IGFBP5: variants seen among roughly 807,000 people sequenced by gnomAD.
The protein encoded by IGFBP5 is insulin-like growth factor-binding protein 5.
In IGFBP5, 12 loss-of-function variants were observed where a neutral mutation model predicts 28.0. That is an observed-to-expected ratio of 0.43 (90% CI 0.27 to 0.69). The LOEUF (loss-of-function observed/expected upper bound fraction) is 0.69. Ranked by LOEUF, IGFBP5 falls within the 30% of genes least tolerant of loss-of-function variation. IGFBP5 has a pLI of 0.20. For synonymous variants in IGFBP5, 152 were observed against 150.2 expected (o/e 1.01, Z -0.09); for missense variants, 344 against 381.6 (o/e 0.90, Z 0.82).
rs1688869645 is a variant in IGFBP5, at chr2:216,674,297, G to A, written c.*2454C>T. 1 of 153,484 alleles carries A rather than the reference G, an allele frequency of 6.5e-6. No individual in the cohort carries two copies. 9.5% of individuals were successfully genotyped at this position (153,484 alleles called of 1,614,324 possible). ...CATACAGAAACGTGAGTTGGGTTTA[G>A]GGGACAGCTGTGCAGAGAGATGGGG... On this transcript the variant is annotated 3_prime_UTR_variant, in exon 4 of 4. Transcript: ENST00000233813. This position sits in a 1 kb window ranked among gnomAD's most constrained non-coding sequence, Gnocchi z 4.4.
Position 216,692,071 on chromosome 2 carries a change from T to C in IGFBP5, c.337+2368A>G, listed in dbSNP as rs74960889. ...CGGTCTCTACACCATCTCCAACTTT[T>C]TGGGGACCCGCCCAGTGGTTGTCCG... On this transcript the variant is annotated intron_variant, in intron 1 of 3. Coordinates refer to ENST00000233813, the MANE Select transcript of IGFBP5 (RefSeq NM_000599.4). This position sits in a 1 kb window ranked among gnomAD's most constrained non-coding sequence, Gnocchi z 4.2. Among the ~76,000 whole-genome samples, 8,081 of 152,038 alleles carry C rather than the reference T, an allele frequency of 0.053. 433 individuals are homozygous for C. The highest frequency in any genetic ancestry group is 0.12 in the African/African-American group (4,799 of 41,434).
rs962432111 is a variant in IGFBP5 at position 216,674,299 on chromosome 2, G to A, written c.*2452C>T. 2.0e-5 allele frequency: 3 copies of A among 153,460 alleles called. No homozygotes were observed. The allele number at this position is 153,460 out of a possible 1,614,324, so 9.5% of individuals were successfully genotyped here. A position where few individuals can be genotyped will look rare whatever the true frequency, so the allele number is the denominator to read the frequency against. On this transcript the variant is annotated 3_prime_UTR_variant, in exon 4 of 4. Coordinates refer to ENST00000233813, the MANE Select transcript of IGFBP5 (RefSeq NM_000599.4). The surrounding 1 kb of genome is among the most constrained non-coding windows in gnomAD (Gnocchi z 4.4). ...TACAGAAACGTGAGTTGGGTTTAGGGGACAGCTGTGCAGAGAGATGGGGCA... is the reference window on the plus strand; with the variant it reads ...TACAGAAACGTGAGTTGGGTTTAGGAGACAGCTGTGCAGAGAGATGGGGCA...
intron 1 of IGFBP5, among the ~76,000 whole-genome samples, chr2:216,686,012 C>A (rs1476267070): frequency 2.0e-5 from 3 of 147,716 alleles, no homozygotes; most frequent in Non-Finnish European, 4.4e-5. Flanking sequence ...AAAAAAAAAA[C>A]CCAAAGCTGT....
At chr2:216,690,508 C>CTTG (rs397695303) in intron 1 of IGFBP5, among the ~76,000 whole-genome samples, 1 of 151,798 alleles carries the variant, frequency 6.6e-6, no homozygotes, top group East Asian at 1.9e-4. Flanking sequence ...CTGGCTTCTT[C>CTTG]GCTCCATTAA....
chr2:216,687,243 C>T (rs1689042888), intron 1 of IGFBP5, among the ~76,000 whole-genome samples: 1 of 152,186 alleles, frequency 6.6e-6, no homozygotes, highest in Non-Finnish European at 1.5e-5. Context: ...GGACCCGTCT[C>T]CACTTAGAGA....
chr2:216,684,218 C>T (rs11575165), intron 1 of IGFBP5, among the ~76,000 whole-genome samples: 24 of 152,336 alleles, frequency 1.6e-4, no homozygotes, highest in Admixed American at 7.2e-4. Context: ...TGTTCTCTTC[C>T]AGTAGAGTCT....
At chr2:216,685,847 C>T (rs7426116) in intron 1 of IGFBP5, among the ~76,000 whole-genome samples, 3 of 152,050 alleles carry the variant, frequency 2.0e-5, no homozygotes, top group South Asian at 2.1e-4. Context: ...AGCTGCCTGG[C>T]GCCAGTCTCT....
chr2:216,677,889 G>A (rs1481657317), intron 3 of IGFBP5, among the ~76,000 whole-genome samples: 1 of 152,200 alleles, frequency 6.6e-6, no homozygotes, highest in Non-Finnish European at 1.5e-5. Flanking sequence ...GGCGACCTGT[G>A]GAAAGCATAG....
At position 216,694,468 on chromosome 2, in the gene IGFBP5, T is replaced by A; in HGVS notation, c.308A>T (p.Glu103Val). The part of the protein sequence containing the change: ...LLHGRGVCLN[E>V]KSYREQVKIE... ...CTTGACTTGCTCGCGGTAGCTCTTT[T>A]CGTTGAGGCAAACCCCGCGGCCGTG... Residue 103 changes from glutamate (E) to valine (V), a missense_variant, in exon 1 of 4, where the codon GAA (glutamate) becomes GTA (valine). This residue lies in a region of IGFBP5 where 304 missense variants were observed against 329.2 expected (regional missense o/e 0.92). Transcript: ENST00000233813. This position sits in a 1 kb window ranked among gnomAD's most constrained non-coding sequence, Gnocchi z 5.2. 6.3e-7 allele frequency: 1 copy of A among 1,583,294 alleles called. No individual in the cohort carries two copies. Among genetic ancestry groups the A allele is most frequent in the Non-Finnish European group, 8.6e-7 (1 of 1,168,754 alleles).
intron 1 of IGFBP5, among the ~76,000 whole-genome samples, chr2:216,690,619 A>G (rs772407918): frequency 6.6e-6 from 1 of 151,216 alleles, no homozygotes; most frequent in Non-Finnish European, 1.5e-5. Context: ...CACCCTCTGC[A>G]GCTGCAGGCC....
chr2:216,693,613 G>A (rs190930933), intron 1 of IGFBP5, among the ~76,000 whole-genome samples: 2,014 of 152,134 alleles, frequency 0.013, 50 homozygotes, highest in African/African-American at 0.045. Context: ...TGGAGAGGGG[G>A]AAAAGGAATT....
chr2:216,679,616 G>A lies in IGFBP5; in HGVS notation c.338-537C>T, dbSNP rs534932757. On this transcript the variant is annotated intron_variant, in intron 1 of 3. Coordinates refer to ENST00000233813, the MANE Select transcript of IGFBP5 (RefSeq NM_000599.4). This position sits in a 1 kb window ranked among gnomAD's most constrained non-coding sequence, Gnocchi z 4.6. ...CTTTGCACTTTCAGAGCTGCTGGAT[G>A]TTGAGGTCTCTTTGGACCTGGGGAA... Among the ~76,000 whole-genome samples, 6 of 152,264 alleles carry A rather than the reference G, an allele frequency of 3.9e-5. No homozygotes were observed. In the East Asian group the frequency reaches 9.7e-4, roughly 25 times the overall value.
chr2:216,682,354 G>A (rs1011956071), intron 1 of IGFBP5, among the ~76,000 whole-genome samples: 1 of 152,232 alleles, frequency 6.6e-6, no homozygotes. Context: ...AAGTAAGACT[G>A]GAGCTGAGTG....
rs563278479 is a variant in IGFBP5 at position 216,694,525 on chromosome 2, T to G, written c.251A>C (p.Gln84Pro). ...CAQGLRCLPR[Q>P]DEEKPLHALL... The stretch of plus-strand genomic sequence containing the variant: ...GGCGTGCAGCGGCTTCTCCTCGTCC[T>G]GCCGGGGGAGGCAGCGCAGCCCCTG... Residue 84 changes from glutamine to proline, a missense_variant, in exon 1 of 4, where the codon CAG (glutamine) becomes CCG (proline). This residue lies in a region of IGFBP5 where 304 missense variants were observed against 329.2 expected (regional missense o/e 0.92). Transcript: ENST00000233813. This position sits in a 1 kb window ranked among gnomAD's most constrained non-coding sequence, Gnocchi z 5.2. 178 of 1,583,388 alleles carry G rather than the reference T, an allele frequency of 1.1e-4. 1 individual carries two copies. In the Admixed American group the frequency reaches 3.0e-3, roughly 27 times the overall value.
In IGFBP5 at chr2:216,679,271, G is replaced by A. The variant is rs191053054; in HGVS notation, c.338-192C>T. 13 of 625,688 alleles carry A rather than the reference G, an allele frequency of 2.1e-5. No individual in the cohort carries two copies. Among genetic ancestry groups the A allele is most frequent in the Non-Finnish European group, 3.5e-5 (12 of 343,668 alleles). The allele number at this position is 625,688 out of a possible 1,614,324, so 38.8% of individuals were successfully genotyped here. ...GAGGGAATGCTCATTTAAGTGGCAG[G>A]AAGTTTCTGGCATGCTTGGAGTCAA... On this transcript the variant is annotated intron_variant, in intron 1 of 3. Transcript: ENST00000233813. The surrounding 1 kb of genome is among the most constrained non-coding windows in gnomAD (Gnocchi z 4.6).
At chr2:216,684,711 C>T (rs546941603) in intron 1 of IGFBP5, among the ~76,000 whole-genome samples, 10 of 152,342 alleles carry the variant, frequency 6.6e-5, no homozygotes, top group Admixed American at 3.9e-4. Context: ...GTCTCACCAG[C>T]ATATAGTATT....
In IGFBP5 at chr2:216,679,042, A is replaced by G. The variant is rs768788702; in HGVS notation, c.375T>C (p.Ser125=). The G allele has an allele frequency of 8.7e-6, 14 of 1,614,032 alleles. No individual in the cohort carries two copies. Among genetic ancestry groups the G allele is most frequent in the Non-Finnish European group, 1.1e-5 (13 of 1,179,952 alleles). ...GGGAGTAGGTCTCCTCGGCCATCTC[A>G]GAGGTGGTGGGCTCCTCGTGCTCAC... ...DSREHEEPTT[S]EMAEETYSPK... Residue 125 remains serine, a synonymous_variant, in exon 2 of 4, where the codon TCT becomes TCC. Transcript: ENST00000233813. This position sits in a 1 kb window ranked among gnomAD's most constrained non-coding sequence, Gnocchi z 4.6.
chr2:216,694,551 G>C lies in IGFBP5; in HGVS notation c.225C>G (p.Ala75=), dbSNP rs749270984. 7 of 1,568,928 alleles carry C rather than the reference G, an allele frequency of 4.5e-6. No homozygotes were observed. In the South Asian group the frequency reaches 4.7e-5, roughly 10 times the overall value. Residue 75 remains alanine (A), a synonymous_variant, in exon 1 of 4, where the codon GCC becomes GCG. Coordinates refer to ENST00000233813, the MANE Select transcript of IGFBP5 (RefSeq NM_000599.4). This position sits in a 1 kb window ranked among gnomAD's most constrained non-coding sequence, Gnocchi z 5.2. ...GCCGGGGGAGGCAGCGCAGCCCCTG[G>C]GCGCAGCGCTCGGTGTAGACGCCGC... ...QSCGVYTERC[A]QGLRCLPRQD...
chr2:216,680,203 T>G (rs1688956696), intron 1 of IGFBP5, among the ~76,000 whole-genome samples: 1 of 152,098 alleles, frequency 6.6e-6, no homozygotes, highest in South Asian at 2.1e-4. Flanking sequence ...TGGGGGGCCC[T>G]GTCTTCATTG....
Sources: gnomAD v4.1 joint callset for allele counts (sites outside exome capture counted in the v4.1 genomes callset) on GRCh38, gnomAD v4.1.1 for gene constraint, gnomAD v4.1.1 regional missense constraint, Gnocchi (gnomAD v3.1) non-coding constraint, MANE v1.5 for transcripts, NCBI Gene and HGNC (gene_info 2026-07-23, HGNC 2026-07-21) for gene names.